The following INTS6L variants were observed in gnomAD, a reference collection of about 807,000 sequenced individuals.
INTS6L encodes the protein integrator complex subunit 6-like.
INTS6L carries 18 observed loss-of-function variants against 64.7 expected under a neutral mutation model. The ratio of observed to expected loss-of-function variants is 0.28; its 90% CI spans 0.19 to 0.41. INTS6L has a LOEUF of 0.41. Ranked by LOEUF, INTS6L falls within the 10% of genes least tolerant of loss-of-function variation. INTS6L has a pLI of 1.00. For missense variants in INTS6L, 533 were observed against 661.0 expected (o/e 0.81, Z 2.12); for synonymous variants, 227 against 235.9 (o/e 0.96, Z 0.34).
chrX:135,549,696 A>T lies in INTS6L; in HGVS notation c.797A>T (p.His266Leu). 1 of 1,211,898 alleles carries T rather than the reference A, an allele frequency of 8.3e-7. No individual in the cohort carries two copies. The highest frequency in any genetic ancestry group is 1.1e-6 in the Non-Finnish European group (1 of 895,397). The change falls in exon 7 of 18, where the codon CAT becomes CTT. Residue 266 changes from histidine (H) to leucine (L), a missense_variant. Coordinates refer to ENST00000639893, the MANE Select transcript of INTS6L (RefSeq NM_001351601.3). ...PSNSFAAQPWHSCHKLIYVRP... is the reference protein window; with the variant it reads ...PSNSFAAQPWLSCHKLIYVRP... ...AATTCATTTGCTGCTCAGCCATGGC[A>T]TAGTTGTCATAAACTCATTTATGTA...
chrX:135,573,336 A>T (rs1294034167), intron 12 of INTS6L, among the ~76,000 whole-genome samples: 1 of 112,603 alleles, frequency 8.9e-6, no homozygotes, highest in Non-Finnish European at 1.9e-5. Context: ...ATTGGGTGTG[A>T]AGAAGCTCAG....
chrX:135,537,140 T>G (rs1462792476), intron 2 of INTS6L, among the ~76,000 whole-genome samples: 1 of 111,934 alleles, frequency 8.9e-6, no homozygotes, highest in Non-Finnish European at 1.9e-5. Context: ...GCTTTTAGGC[T>G]TTGCCCTTCT....
intron 2 of INTS6L, among the ~76,000 whole-genome samples, chrX:135,524,654 C>T (rs1602782144): frequency 9.0e-6 from 1 of 111,285 alleles, no homozygotes; most frequent in South Asian, 3.7e-4. Context: ...AATAGGCATG[C>T]AACTCTTCCC....
At chrX:135,546,559 T>G in intron 4 of INTS6L, 90 bp downstream of exon 4, 1 of 990,531 alleles carries the variant, frequency 1.0e-6, no homozygotes, top group Non-Finnish European at 1.4e-6. Context: ...ACAGTAAGTT[T>G]GGTCAAATCA....
intron 17 of INTS6L, 92 bp from the exon 18 acceptor site, chrX:135,581,436 T>C (rs1456759739): frequency 3.0e-6 from 2 of 663,481 alleles, no homozygotes; most frequent in South Asian, 5.7e-5. Context: ...CCTATGTAGA[T>C]TGTAAGCTTC....
At chrX:135,578,297 A>G (rs1556532242) in intron 15 of INTS6L, among the ~76,000 whole-genome samples, 1 of 111,726 alleles carries the variant, frequency 9.0e-6, no homozygotes, top group Non-Finnish European at 1.9e-5. Context: ...ATAGACAAAT[A>G]AAACTCAGTA....
chrX:135,551,897 G>T, intron 7 of INTS6L, 97 bp from the exon 8 acceptor site: 2 of 813,010 alleles, frequency 2.5e-6, no homozygotes, highest in Non-Finnish European at 3.3e-6. Context: ...CAGTGAAAAT[G>T]TAACAAAATA....
At chrX:135,542,405 C>A (rs781944791) in intron 2 of INTS6L, among the ~76,000 whole-genome samples, 2 of 109,464 alleles carry the variant, frequency 1.8e-5, no homozygotes, top group South Asian at 7.9e-4. Context: ...GGCTGAGGCA[C>A]AAGAATCGCT....
intron 2 of INTS6L, among the ~76,000 whole-genome samples, chrX:135,535,952 C>T (rs939493080): frequency 8.9e-6 from 1 of 112,317 alleles, no homozygotes; most frequent in Non-Finnish European, 1.9e-5. Flanking sequence ...GAGAGGAAAG[C>T]AACATGCATT....
intron 2 of INTS6L, among the ~76,000 whole-genome samples, chrX:135,541,602 G>A (rs2086220944): frequency 8.9e-6 from 1 of 112,085 alleles, no homozygotes; most frequent in African/African-American, 3.2e-5. Flanking sequence ...ACATAACTAT[G>A]TTTCACTTCT....
chrX:135,545,384 G>A (rs782418168), intron 2 of INTS6L, 39 bp from the exon 3 acceptor site: 1 of 1,199,505 alleles, frequency 8.3e-7, no homozygotes, highest in Non-Finnish European at 1.1e-6. Context: ...ATTGTTCATT[G>A]TATAATCAAG....
chrX:135,526,719 G>A lies in INTS6L; in HGVS notation c.189+5401G>A, dbSNP rs891168426. ...CTTCCCTAATGTGAGCTCTTGAAGG[G>A]CAAATATTTGAACTTCTAGGTATTT... On this transcript the variant is annotated intron_variant, in intron 2 of 17. Transcript: ENST00000639893. 1.3e-4 allele frequency among the ~76,000 whole-genome samples: 15 copies of A among 111,367 alleles called. 1 individual carries two copies. Among genetic ancestry groups the A allele is most frequent in the Admixed American group, 1.2e-3 (13 of 10,444 alleles).
In INTS6L at chrX:135,579,951, C is replaced by T. The variant is rs2087329185; in HGVS notation, c.2283C>T (p.Leu761=). ...VDSLSDDFTS[L]SKDGLIQKPG... is the part of the protein sequence containing the mutation. ...CTCTGTCTGACGACTTCACAAGTCT[C>T]AGCAAAGATGGGCTGATTCAAAAAC... is the stretch of plus-strand genomic sequence containing the variant. The change falls in exon 16 of 18, where the codon CTC becomes CTT. Residue 761 remains leucine, a synonymous_variant. Coordinates refer to ENST00000639893, the MANE Select transcript of INTS6L (RefSeq NM_001351601.3). 2 of 1,209,959 alleles carry T rather than the reference C, an allele frequency of 1.7e-6. No individual in the cohort carries two copies. Among genetic ancestry groups the T allele is most frequent in the Non-Finnish European group, 2.2e-6 (2 of 895,259 alleles).
intron 2 of INTS6L, among the ~76,000 whole-genome samples, chrX:135,530,611 G>GT (rs1295067430): frequency 8.9e-6 from 1 of 112,298 alleles, no homozygotes; most frequent in Non-Finnish European, 1.9e-5. Flanking sequence ...GGTAGACATG[G>GT]TTTTTAAAAA....
At chrX:135,537,275 G>A (rs1454278741) in intron 2 of INTS6L, among the ~76,000 whole-genome samples, 1 of 111,917 alleles carries the variant, frequency 8.9e-6, no homozygotes, top group Non-Finnish European at 1.9e-5. Flanking sequence ...ATGTTTTTCT[G>A]TTGGTATGAA....
At chrX:135,558,408 G>T (rs2086695876) in intron 9 of INTS6L, among the ~76,000 whole-genome samples, 1 of 112,031 alleles carries the variant, frequency 8.9e-6, no homozygotes, top group Admixed American at 9.4e-5. Flanking sequence ...ATGGATAAAT[G>T]AATAAAGAAA....
intron 2 of INTS6L, among the ~76,000 whole-genome samples, chrX:135,538,786 G>C (rs1362028099): frequency 8.9e-6 from 1 of 112,427 alleles, no homozygotes; most frequent in Non-Finnish European, 1.9e-5. Context: ...GTGTTAGCAG[G>C]CATGACAACA....
chrX:135,559,406 G>T lies in INTS6L; in HGVS notation c.1192+3106G>T, dbSNP rs1001102091. 4.5e-5 allele frequency among the ~76,000 whole-genome samples: 5 copies of T among 111,735 alleles called. No individual in the cohort carries two copies. In the South Asian group the frequency reaches 1.9e-3, roughly 42 times the overall value. ...GGAACCATTCAGTATGTAACCTTTT[G>T]GGATTGGCTTTTTTCAGTCAGTGTA... is the stretch of plus-strand genomic sequence containing the variant. On this transcript the variant is annotated intron_variant, in intron 9 of 17. Transcript: ENST00000639893.
At chrX:135,538,193 C>A (rs782784685) in intron 2 of INTS6L, among the ~76,000 whole-genome samples, 4 of 112,513 alleles carry the variant, frequency 3.6e-5, no homozygotes, top group South Asian at 3.6e-4. Context: ...GAACTTCTTT[C>A]TATTTTCTTT....
Sources: gnomAD v4.1 joint callset for allele counts (sites outside exome capture counted in the v4.1 genomes callset) on GRCh38, gnomAD v4.1.1 for gene constraint, MANE v1.5 for transcripts, NCBI Gene and HGNC (gene_info 2026-07-23, HGNC 2026-07-21) for gene names.